Variants in OR51B5 observed in about 807,000 individuals in gnomAD.
OR51B5 encodes olfactory receptor 51B5.
For synonymous variants in OR51B5, 186 were observed against 144.8 expected, an observed-to-expected ratio of 1.28 and a Z score of -2.04; for missense variants, 456 against 374.6, an observed-to-expected ratio of 1.22 and a Z score of -1.79.
chr11:5,357,578 T>C (rs900071561), intron 1 of OR51B5, among the ~76,000 whole-genome samples: 3 of 151,882 alleles, frequency 2.0e-5, no homozygotes, highest in Non-Finnish European at 4.4e-5. Context: ...ATTAGACAGA[T>C]CAACGAGACA....
At chr11:5,403,437 G>A (rs1159930147) in intron 1 of OR51B5, 1 of 471,420 alleles carries the variant, frequency 2.1e-6, no homozygotes, top group East Asian at 7.0e-5. Flanking sequence ...GATGGCCAAT[G>A]CCTACCTCTT....
intron 1 of OR51B5, among the ~76,000 whole-genome samples, chr11:5,357,964 C>T (rs965429756): frequency 6.6e-6 from 1 of 151,948 alleles, no homozygotes; most frequent in Admixed American, 6.6e-5. Context: ...ACACAACATA[C>T]CAGAATCTCT....
intron 1 of OR51B5, among the ~76,000 whole-genome samples, chr11:5,378,479 A>G (rs1351689063): frequency 2.0e-5 from 3 of 152,340 alleles, no homozygotes; most frequent in East Asian, 3.9e-4. Flanking sequence ...ATGAAACTAA[A>G]GAGCTTCTGC....
At chr11:5,390,717 A>C in intron 1 of OR51B5, 1 of 201,412 alleles carries the variant, frequency 5.0e-6, no homozygotes, top group Non-Finnish European at 1.0e-5. Flanking sequence ...CCCAGAGGAG[A>C]GCCTGGCAGA....
intron 1 of OR51B5, among the ~76,000 whole-genome samples, chr11:5,481,802 T>C (rs1247854307): frequency 6.7e-5 from 9 of 135,118 alleles, no homozygotes; most frequent in Non-Finnish European, 9.2e-5. Flanking sequence ...TTACAAGGGA[T>C]GTGAAGGACC....
chr11:5,385,714 A>ATAGGTATAAG (rs150579480), intron 1 of OR51B5, among the ~76,000 whole-genome samples: 1 of 150,556 alleles, frequency 6.6e-6, no homozygotes, highest in Admixed American at 6.6e-5. Context: ...CAAAGTATAT[A>ATAGGTATAAG]TATGTGTACA....
chr11:5,413,271 C>G (rs1485112829), intron 1 of OR51B5, among the ~76,000 whole-genome samples: 2 of 152,104 alleles, frequency 1.3e-5, no homozygotes, highest in Admixed American at 6.5e-5. Flanking sequence ...ACATCCACAC[C>G]AAAAACCCAT....
At chr11:5,389,158 G>C (rs79220377) in intron 1 of OR51B5, among the ~76,000 whole-genome samples, 3 of 152,112 alleles carry the variant, frequency 2.0e-5, no homozygotes, top group African/African-American at 7.2e-5. Context: ...AGCAATAAAG[G>C]CACACCAGCA....
chr11:5,376,997 GAC>G (rs1274136030), intron 1 of OR51B5, among the ~76,000 whole-genome samples: 4 of 152,048 alleles, frequency 2.6e-5, no homozygotes, highest in Non-Finnish European at 5.9e-5. Context: ...GCCAGAAAGA[GAC>G]ACAACCAAAA....
intron 1 of OR51B5, among the ~76,000 whole-genome samples, chr11:5,418,306 G>A (rs1850272785): frequency 6.6e-6 from 1 of 152,076 alleles, no homozygotes; most frequent in Non-Finnish European, 1.5e-5. Flanking sequence ...CCTAATGCTA[G>A]ATGACGAGTT....
intron 1 of OR51B5, chr11:5,402,665 G>A (rs1310823278): frequency 2.1e-6 from 1 of 471,280 alleles, no homozygotes; most frequent in Admixed American, 2.3e-5. Context: ...TCCCAGGGCT[G>A]GAGTCAGAGC....
chr11:5,391,469 C>G (rs1323717290), intron 1 of OR51B5: 1 of 152,152 alleles, frequency 6.6e-6, no homozygotes, highest in Non-Finnish European at 1.5e-5. Flanking sequence ...GTCTTGCTCG[C>G]CAGTAAATGT....
chr11:5,446,792 C>G (rs1590000413), intron 1 of OR51B5, among the ~76,000 whole-genome samples: 1 of 152,284 alleles, frequency 6.6e-6, no homozygotes, highest in East Asian at 1.9e-4. Flanking sequence ...ACATGCAGAG[C>G]CAACTATAAT....
At chr11:5,483,493 A>G (rs1482827822) in intron 1 of OR51B5, among the ~76,000 whole-genome samples, 1 of 136,640 alleles carries the variant, frequency 7.3e-6, no homozygotes, top group East Asian at 2.8e-4. Context: ...TGTACCCTAA[A>G]ACTTAAAGTA....
chr11:5,353,227 G>T (rs561145755), intron 1 of OR51B5, among the ~76,000 whole-genome samples: 1 of 152,200 alleles, frequency 6.6e-6, no homozygotes, highest in African/African-American at 2.4e-5. Flanking sequence ...TGAGAAATGT[G>T]TTCAGTTAAA....
chr11:5,369,131 GACAT>G (rs550544265), intron 1 of OR51B5, among the ~76,000 whole-genome samples: 78 of 152,224 alleles, frequency 5.1e-4, no homozygotes, highest in African/African-American at 1.7e-3. Flanking sequence ...TCTAAGGTTA[GACAT>G]ACAGAAAGGA....
chr11:5,432,417 C>T (rs959671331), intron 1 of OR51B5, among the ~76,000 whole-genome samples: 6 of 152,224 alleles, frequency 3.9e-5, no homozygotes, highest in African/African-American at 1.4e-4. Flanking sequence ...ATACTCTGAT[C>T]CAAAATTTTA....
upstream of OR51B5, chr11:5,346,828 A>G (rs1329633419): frequency 2.6e-5 from 4 of 152,150 alleles, no homozygotes; most frequent in African/African-American, 9.7e-5. Context: ...ACTCCCAGGT[A>G]CCATAACTTG....
chr11:5,341,713 T>G (rs1564911165), downstream of OR51B5, among the ~76,000 whole-genome samples: 1 of 152,146 alleles, frequency 6.6e-6, no homozygotes, highest in Non-Finnish European at 1.5e-5. Context: ...AACCTATTTT[T>G]TTTTGTTCCT....
Sources: allele counts gnomAD v4.1 joint callset (sites outside exome capture counted in the v4.1 genomes callset), GRCh38; gene constraint gnomAD v4.1.1; transcripts MANE v1.5; gene names NCBI Gene and HGNC (gene_info 2026-07-23, HGNC 2026-07-21).